FSTL5: variants seen among roughly 807,000 people sequenced by gnomAD.
The protein encoded by FSTL5 is follistatin like 5, also known as follistatin-related protein 5.
FSTL5 carries 62 observed loss-of-function variants against 89.1 expected under a neutral mutation model. The observed-to-expected ratio is 0.70, with a 90% CI of 0.57 to 0.86. FSTL5 has a LOEUF of 0.86. Ranked by LOEUF, FSTL5 falls within the 40% of genes least tolerant of loss-of-function variation. The pLI is 0.00. For missense variants in FSTL5, 1,057 were observed against 1,001.6 expected (o/e 1.06, Z -0.75); for synonymous variants, 383 against 346.2 (o/e 1.11, Z -1.18).
At position 161,627,227 on chromosome 4, in the gene FSTL5, C is replaced by A. The variant is rs764443972; in HGVS notation, c.894+29101G>T. 5.3e-5 allele frequency among the ~76,000 whole-genome samples: 8 copies of A among 152,092 alleles called. No individual in the cohort carries two copies. In the East Asian group the frequency reaches 1.3e-3, roughly 26 times the overall value. On this transcript the variant is annotated intron_variant, in intron 7 of 15. Coordinates refer to ENST00000306100, the MANE Select transcript of FSTL5 (RefSeq NM_020116.5). Reference sequence around the variant, plus strand: ...GTCTTATTTTACAAAATTGCCACAGCCACCCCAATTTTCAGCTTCTACCAC... The same window carrying A: ...GTCTTATTTTACAAAATTGCCACAGACACCCCAATTTTCAGCTTCTACCAC...
intron 6 of FSTL5, among the ~76,000 whole-genome samples, chr4:161,659,324 G>GA (rs1285405799): frequency 6.6e-5 from 10 of 151,926 alleles, no homozygotes; most frequent in African/African-American, 2.2e-4. Context: ...ATGTTGTATA[G>GA]AAAAAATACA....
chr4:162,110,748 A>T (rs1731404061), intron 2 of FSTL5, among the ~76,000 whole-genome samples: 2 of 151,634 alleles, frequency 1.3e-5, no homozygotes, highest in Admixed American at 1.3e-4. Context: ...ACTTCAAAAC[A>T]TTTAACATAA....
intron 3 of FSTL5, among the ~76,000 whole-genome samples, chr4:161,986,681 T>C (rs359486): frequency 0.54 from 81,965 of 152,062 alleles, 23,162 homozygotes; most frequent in African/African-American, 0.68. Context: ...GATAACTGAA[T>C]GGAGAGTGGA....
At chr4:161,764,405 C>T (rs979704608) in intron 5 of FSTL5, among the ~76,000 whole-genome samples, 1 of 151,896 alleles carries the variant, frequency 6.6e-6, no homozygotes, top group Non-Finnish European at 1.5e-5. Flanking sequence ...ACTACAGGCT[C>T]CCACCACCAC....
intron 10 of FSTL5, among the ~76,000 whole-genome samples, chr4:161,513,233 GACTGAACTGAAGC>G (rs1156631240): frequency 1.4e-5 from 2 of 145,762 alleles, no homozygotes; most frequent in African/African-American, 5.1e-5. Context: ...ATAATACACA[GACTGAACTGAAGC>G]ACTGAACTGA....
intron 6 of FSTL5, among the ~76,000 whole-genome samples, chr4:161,694,330 C>A (rs1738059121): frequency 6.6e-6 from 1 of 152,006 alleles, no homozygotes; most frequent in South Asian, 2.1e-4. Context: ...GTACCTTAGG[C>A]TTTGTTATTT....
chr4:161,389,791 T>C (rs559388698), intron 15 of FSTL5, among the ~76,000 whole-genome samples: 4 of 152,246 alleles, frequency 2.6e-5, no homozygotes, highest in African/African-American at 9.6e-5. Context: ...CTGCCAGTCC[T>C]TTACACCATG....
At chr4:162,087,373 T>C (rs1186610177) in intron 2 of FSTL5, among the ~76,000 whole-genome samples, 1 of 152,054 alleles carries the variant, frequency 6.6e-6, no homozygotes, top group East Asian at 1.9e-4. Context: ...TTAATTTTGG[T>C]TATGAAGTGT....
intron 1 of FSTL5, among the ~76,000 whole-genome samples, chr4:162,148,205 C>T (rs1051331763): frequency 6.6e-6 from 1 of 152,068 alleles, no homozygotes; most frequent in African/African-American, 2.4e-5. Flanking sequence ...TTGAACCTTC[C>T]CATGTTAGGT....
intron 10 of FSTL5, 149 bp from the exon 11 acceptor site, chr4:161,510,573 A>AC: frequency 2.0e-6 from 1 of 490,000 alleles, no homozygotes; most frequent in Non-Finnish European, 3.6e-6. Flanking sequence ...GAGCTACTTT[A>AC]AATTAACAAA....
At chr4:161,729,693 A>G (rs1327136536) in intron 6 of FSTL5, among the ~76,000 whole-genome samples, 1 of 152,246 alleles carries the variant, frequency 6.6e-6, no homozygotes, top group Non-Finnish European at 1.5e-5. Context: ...GCTTTGAAAT[A>G]AAGCAAGCAA....
intron 2 of FSTL5, among the ~76,000 whole-genome samples, chr4:162,089,645 A>C (rs540141225): frequency 2.4e-5 from 3 of 126,336 alleles, no homozygotes; most frequent in Admixed American, 1.7e-4. Context: ...AAAAAAAAAA[A>C]AAAAAGAAAA....
intron 2 of FSTL5, among the ~76,000 whole-genome samples, chr4:162,065,717 G>A (rs991176024): frequency 2.0e-5 from 3 of 151,812 alleles, no homozygotes; most frequent in Non-Finnish European, 4.4e-5. Context: ...TCGGTACATA[G>A]CCAAAATAAA....
intron 10 of FSTL5, among the ~76,000 whole-genome samples, chr4:161,524,159 T>C (rs564845029): frequency 2.1e-4 from 32 of 152,310 alleles, no homozygotes; most frequent in Admixed American, 1.1e-3. Context: ...AGTAAAACTT[T>C]GGTCTCTACA....
chr4:161,583,356 T>G (rs1353584596), intron 8 of FSTL5, among the ~76,000 whole-genome samples: 1 of 152,156 alleles, frequency 6.6e-6, no homozygotes, highest in Non-Finnish European at 1.5e-5. Context: ...GTGCTAATCA[T>G]AATAGAGGAA....
chr4:161,836,440 A>T (rs191452236), intron 4 of FSTL5, among the ~76,000 whole-genome samples: 43 of 151,960 alleles, frequency 2.8e-4, no homozygotes, highest in African/African-American at 9.9e-4. Context: ...TGTAACCTAA[A>T]ACTTAAAGTA....
At chr4:161,560,309 G>A (rs1732547769) in intron 8 of FSTL5, among the ~76,000 whole-genome samples, 1 of 151,882 alleles carries the variant, frequency 6.6e-6, no homozygotes, top group African/African-American at 2.4e-5. Context: ...TGCTGAGTCA[G>A]TGAGTATGTG....
At chr4:162,159,729 T>G (rs1476106513) in intron 1 of FSTL5, among the ~76,000 whole-genome samples, 1 of 152,012 alleles carries the variant, frequency 6.6e-6, no homozygotes, top group Admixed American at 6.6e-5. Context: ...GATTGTAATT[T>G]CCAAATCCTT....
At chr4:161,798,672 A>G (rs1239117499) in intron 4 of FSTL5, among the ~76,000 whole-genome samples, 5 of 151,500 alleles carry the variant, frequency 3.3e-5, no homozygotes, top group African/African-American at 1.2e-4. Context: ...TCAGGTGAAC[A>G]CTCAAATTTG....
Sources: gnomAD v4.1 joint callset for allele counts (sites outside exome capture counted in the v4.1 genomes callset) on GRCh38, gnomAD v4.1.1 for gene constraint, MANE v1.5 for transcripts, NCBI Gene and HGNC (gene_info 2026-07-23, HGNC 2026-07-21) for gene names.